HDAC9: variants seen among roughly 807,000 people sequenced by gnomAD.
The protein encoded by HDAC9 is MEF-2 interacting transcription repressor (MITR) protein.
A neutral mutation model predicts 139.4 loss-of-function variants in HDAC9; 41 were observed. The observed-to-expected ratio is 0.29, with a 90% CI of 0.23 to 0.38. The LOEUF (loss-of-function observed/expected upper bound fraction) is 0.38, where lower values mean the gene tolerates loss of function less well. HDAC9 is among the 10% of genes least tolerant of loss of function. The pLI, the probability that HDAC9 is intolerant of heterozygous loss-of-function variation, is 1.00. For synonymous variants in HDAC9, 517 were observed against 476.2 expected (o/e 1.09, Z -1.12); for missense variants, 1,147 against 1,297.0 (o/e 0.88, Z 1.78).
At chr7:18,470,041 T>A (rs554735389) in intron 1 of HDAC9, among the ~76,000 whole-genome samples, 19 of 152,264 alleles carry the variant, frequency 1.2e-4, no homozygotes, top group African/African-American at 4.6e-4. Flanking sequence ...TATATTTTTT[T>A]AATTTAAGAA....
chr7:18,635,207 A>G (rs1783517708), intron 8 of HDAC9, among the ~76,000 whole-genome samples: 1 of 151,812 alleles, frequency 6.6e-6, no homozygotes, highest in Non-Finnish European at 1.5e-5. Flanking sequence ...GTAAGTAAAA[A>G]CAACTCGTAC....
intron 2 of HDAC9, among the ~76,000 whole-genome samples, chr7:18,207,989 C>T (rs1220001050): frequency 6.6e-6 from 1 of 152,136 alleles, no homozygotes; most frequent in Non-Finnish European, 1.5e-5. Context: ...GCTGGGATTA[C>T]AGGTGTGAGC....
At chr7:18,559,386 G>A (rs889237931) in intron 2 of HDAC9, among the ~76,000 whole-genome samples, 1 of 152,106 alleles carries the variant, frequency 6.6e-6, no homozygotes, top group African/African-American at 2.4e-5. Context: ...TCTCAGGCTT[G>A]AGTGAGAAAC....
chr7:18,789,341 C>G (rs7783209), intron 16 of HDAC9, among the ~76,000 whole-genome samples: 106,084 of 151,288 alleles, frequency 0.7, 39,264 homozygotes, highest in Non-Finnish European at 0.83. Context: ...CTCCCTTTCT[C>G]TCTCTCACTG....
intron 1 of HDAC9, among the ~76,000 whole-genome samples, chr7:18,298,582 A>G (rs953896891): frequency 1.3e-5 from 2 of 152,096 alleles, no homozygotes; most frequent in South Asian, 2.1e-4. Context: ...ATGATTTCCA[A>G]TTTCATCCAT....
At chr7:18,822,286 A>C (rs950407355) in intron 17 of HDAC9, among the ~76,000 whole-genome samples, 1 of 152,152 alleles carries the variant, frequency 6.6e-6, no homozygotes, top group Non-Finnish European at 1.5e-5. Context: ...TCTCATTAAC[A>C]TACAAAAAGA....
chr7:18,395,795 C>T (rs1358094342), intron 1 of HDAC9, among the ~76,000 whole-genome samples: 1 of 151,980 alleles, frequency 6.6e-6, no homozygotes, highest in African/African-American at 2.4e-5. Flanking sequence ...AAGCCTAAAG[C>T]CTTTAATTTT....
chr7:18,207,783 C>T (rs1019902589), intron 2 of HDAC9, among the ~76,000 whole-genome samples: 6 of 151,806 alleles, frequency 4.0e-5, no homozygotes, highest in South Asian at 2.1e-4. Context: ...GGCGCGATCT[C>T]GGCTCACCAC....
At chr7:18,700,910 C>G (rs763136630) in intron 12 of HDAC9, among the ~76,000 whole-genome samples, 2 of 152,122 alleles carry the variant, frequency 1.3e-5, no homozygotes, top group Non-Finnish European at 2.9e-5. Flanking sequence ...TCACATCCCA[C>G]GGCCAAGCTC....
chr7:18,649,812 C>T (rs748581191), intron 11 of HDAC9, among the ~76,000 whole-genome samples: 3 of 151,972 alleles, frequency 2.0e-5, no homozygotes, highest in African/African-American at 7.2e-5. Context: ...ACCATGCTTC[C>T]GAACAGAAAG....
intron 1 of HDAC9, among the ~76,000 whole-genome samples, chr7:18,442,417 T>C (rs1017296219): frequency 1.3e-5 from 2 of 152,210 alleles, no homozygotes; most frequent in African/African-American, 4.8e-5. Context: ...CCCCACCAGT[T>C]GCCGGACTCA....
intron 22 of HDAC9, among the ~76,000 whole-genome samples, chr7:18,932,429 A>G (rs1804826779): frequency 6.6e-6 from 1 of 152,168 alleles, no homozygotes; most frequent in Admixed American, 6.6e-5. Flanking sequence ...AAATATTAAA[A>G]TCATCCTTTT....
chr7:18,645,484 G>T (rs965870122), intron 9 of HDAC9, among the ~76,000 whole-genome samples: 1 of 152,084 alleles, frequency 6.6e-6, no homozygotes. Context: ...CCTTGTTCTG[G>T]ACTCTTTGCC....
chr7:18,264,237 A>G (rs1315116811), intron 2 of HDAC9, among the ~76,000 whole-genome samples: 2 of 152,366 alleles, frequency 1.3e-5, no homozygotes, highest in Non-Finnish European at 2.9e-5. Flanking sequence ...TCAGTGCTCA[A>G]GGACTATTCC....
chr7:18,223,391 ATTT>A (rs199647771), intron 2 of HDAC9, among the ~76,000 whole-genome samples: 1 of 138,568 alleles, frequency 7.2e-6, no homozygotes. Context: ...ACCCCGGTCA[ATTT>A]TTTTTTTTTT....
At chr7:18,814,603 CT>C (rs1291419508) in intron 17 of HDAC9, among the ~76,000 whole-genome samples, 2 of 152,096 alleles carry the variant, frequency 1.3e-5, no homozygotes, top group Non-Finnish European at 2.9e-5. Flanking sequence ...CCCACCCCAA[CT>C]TGCTATAAAA....
At chr7:18,121,902 A>C (rs1477663282) in intron 1 of HDAC9, among the ~76,000 whole-genome samples, 1 of 152,218 alleles carries the variant, frequency 6.6e-6, no homozygotes, top group Non-Finnish European at 1.5e-5. Context: ...AGAGATGAAG[A>C]GATCTTGAGG....
intron 17 of HDAC9, among the ~76,000 whole-genome samples, chr7:18,817,155 C>T (rs1794629559): frequency 6.6e-6 from 1 of 151,936 alleles, no homozygotes; most frequent in African/African-American, 2.4e-5. Flanking sequence ...CTGCCTCAGC[C>T]TCCTGAGTAG....
intron 1 of HDAC9, among the ~76,000 whole-genome samples, chr7:18,375,155 TA>T (rs780795087): frequency 6.6e-6 from 1 of 152,230 alleles, no homozygotes; most frequent in Non-Finnish European, 1.5e-5. Context: ...TGTTACTACA[TA>T]AAATTGTTTG....
Sources: gnomAD v4.1 joint callset for allele counts (sites outside exome capture counted in the v4.1 genomes callset) on GRCh38, gnomAD v4.1.1 for gene constraint, MANE v1.5 for transcripts, NCBI Gene and HGNC (gene_info 2026-07-23, HGNC 2026-07-21) for gene names.